Variants in CENPF observed in about 807,000 individuals in gnomAD.
CENPF encodes the protein centromere protein F.
CENPF carries 214 observed loss-of-function variants against 307.3 expected under a neutral mutation model. That is an observed-to-expected ratio of 0.70 (90% confidence interval 0.62 to 0.78). The LOEUF (loss-of-function observed/expected upper bound fraction) is 0.78. Among genes scored for constraint, CENPF ranks in the 30% least tolerant of loss-of-function variants. The pLI, the probability that CENPF is intolerant of heterozygous loss-of-function variation, is 0.00. For synonymous variants in CENPF, 1,259 were observed against 1,270.6 expected (o/e 0.99, Z 0.19); for missense variants, 3,401 against 3,483.9 (o/e 0.98, Z 0.60).
In CENPF at chr1:214,642,978, A is replaced by T. The variant is rs771689509; in HGVS notation, c.4640A>T (p.Lys1547Met). 6.2e-7 allele frequency: 1 copy of T among 1,610,594 alleles called. No homozygotes were observed. The highest frequency in any genetic ancestry group is 8.5e-7 in the Non-Finnish European group (1 of 1,179,074). ...AAAGAAACCCCTTCGGCCCCAGCGA[A>T]GGGTGTTGAAGAGCTTGAGTCCCTC... ...TRKETPSAPA[K>M]GVEELESLCE... Residue 1547 changes from lysine to methionine, a missense_variant, in exon 12 of 20, where the codon AAG (lysine) becomes ATG (methionine). Transcript: ENST00000366955.
At position 214,645,766 on chromosome 1, in the gene CENPF, G is replaced by T. The variant is rs1558186264; in HGVS notation, c.6196G>T (p.Glu2066Ter). 6.2e-7 allele frequency: 1 copy of T among 1,614,178 alleles called. No individual in the cohort carries two copies. Among genetic ancestry groups the T allele is most frequent in the Non-Finnish European group, 8.5e-7 (1 of 1,180,028 alleles). ...NQIAQLNKEK[E>*]LLVKESESLQ... is the part of the protein sequence containing the mutation. ...AATTGCACAACTGAATAAAGAGAAA[G>T]AATTGCTTGTCAAGGAATCTGAAAG... Residue 2066 changes from glutamate (E) to a stop codon, truncating the protein, a stop_gained, in exon 13 of 20, where the codon GAA (glutamate) becomes TAA (stop). Transcript: ENST00000366955. LOFTEE classifies it high-confidence loss of function.
At chr1:214,658,381 C>T (rs958813038) in intron 18 of CENPF, among the ~76,000 whole-genome samples, 11 of 152,064 alleles carry the variant, frequency 7.2e-5, no homozygotes, top group African/African-American at 2.4e-4. Flanking sequence ...TTCTCTCCTC[C>T]CACCTACATG....
At chr1:214,622,011 T>G in intron 6 of CENPF, 68 bp from the exon 7 acceptor site, 1 of 1,226,784 alleles carries the variant, frequency 8.2e-7, no homozygotes, top group Non-Finnish European at 1.1e-6. Flanking sequence ...ATAAAACAAA[T>G]GATAAGTTAT....
At chr1:214,657,462 A>C (rs1404659271) in intron 18 of CENPF, 53 bp downstream of exon 18, 2 of 1,303,858 alleles carry the variant, frequency 1.5e-6, no homozygotes, top group Non-Finnish European at 2.1e-6. Context: ...ATTCCATATA[A>C]TGGTTCACAT....
At chr1:214,652,024 C>T (rs1252906046) in intron 15 of CENPF, 138 bp downstream of exon 15, 2 of 585,040 alleles carry the variant, frequency 3.4e-6, no homozygotes, top group Non-Finnish European at 5.3e-6. Context: ...CTCACATTAA[C>T]TTCACGATCT....
In CENPF at chr1:214,652,997, C is replaced by A; in HGVS notation, c.8322+8C>A. ...GAATTGAAGAAAACCAAGGTATGTT[C>A]ACTTTAATTTGCTTCATGATTTCGA... On this transcript the variant is annotated splice_region_variant and intron_variant, in intron 16 of 19. Transcript: ENST00000366955. 1 of 1,598,860 alleles carries A rather than the reference C, an allele frequency of 6.3e-7. No homozygotes were observed. Among genetic ancestry groups the A allele is most frequent in the South Asian group, 1.1e-5 (1 of 88,710 alleles).
In CENPF at chr1:214,620,837, G is replaced by A. The variant is rs771912526; in HGVS notation, c.756G>A (p.Val252=). The change falls in exon 6 of 20, where the codon GTG becomes GTA. Residue 252 remains valine, a synonymous_variant. Transcript: ENST00000366955. ...CTTACTTTTCTGGGGAACAAGAGGT[G>A]ACTCCAAGTCGATCAACTTTGCAAA... ...SASYFSGEQE[V]TPSRSTLQIG... The A allele has an allele frequency of 1.2e-6, 2 of 1,614,202 alleles. No individual in the cohort carries two copies. Among genetic ancestry groups the A allele is most frequent in the Admixed American group, 3.3e-5 (2 of 60,032 alleles).
chr1:214,619,729 A>C (rs1158710861), intron 5 of CENPF, among the ~76,000 whole-genome samples: 1 of 152,210 alleles, frequency 6.6e-6, no homozygotes, highest in Non-Finnish European at 1.5e-5. Context: ...CAAGCCATTT[A>C]AGGCTGAATT....
chr1:214,660,871 T>C (rs538019580), intron 19 of CENPF, among the ~76,000 whole-genome samples: 19 of 152,366 alleles, frequency 1.2e-4, no homozygotes, highest in African/African-American at 4.3e-4. Flanking sequence ...CTATAGTTTA[T>C]GTCTATGCAG....
rs770373542 is a variant in CENPF at position 214,644,707 on chromosome 1, G to A, written c.5137G>A (p.Gly1713Ser). Residue 1713 changes from glycine to serine, a missense_variant, in exon 13 of 20, where the codon GGT becomes AGT. Coordinates refer to ENST00000366955, the MANE Select transcript of CENPF (RefSeq NM_016343.4). Reference protein sequence around the residue: ...NLDIEKITETGAVKPTGECSG... With the variant: ...NLDIEKITETSAVKPTGECSG... ...AGACATTGAGAAAATAACTGAGACT[G>A]GTGCAGTGAAACCCACAGGAGAGTG... 5.0e-5 allele frequency: 81 copies of A among 1,613,822 alleles called. No individual in the cohort carries two copies. Among genetic ancestry groups the A allele is most frequent in the Non-Finnish European group, 6.4e-5 (76 of 1,179,904 alleles).
Position 214,642,072 on chromosome 1 carries a change from T to A in CENPF, c.3734T>A (p.Leu1245His). ...QHELQTIRGD[L>H]ETSNLQDMQS... The stretch of plus-strand genomic sequence containing the variant: ...GAATTACAGACAATTAGAGGAGATC[T>A]TGAAACCAGCAATTTGCAAGACATG... The change falls in exon 12 of 20, where the codon CTT (leucine) becomes CAT (histidine). Residue 1245 changes from leucine to histidine, a missense_variant. Transcript: ENST00000366955. 1 of 1,611,020 alleles carries A rather than the reference T, an allele frequency of 6.2e-7. No individual in the cohort carries two copies.
In CENPF at chr1:214,609,575, ATAT is replaced by A. The variant is rs553631839; in HGVS notation, c.-41-4134_-41-4132del. Among the ~76,000 whole-genome samples, 21 of 152,240 alleles carry A rather than the reference ATAT, an allele frequency of 1.4e-4. No individual in the cohort carries two copies. In the South Asian group the frequency reaches 3.3e-3, roughly 24 times the overall value. ...TTTCACCTGAAAACCTTATGGCAAAATATTATTTTTTTCTTAGCTTTTATTTTT... is the reference window on the plus strand; with the variant it reads ...TTTCACCTGAAAACCTTATGGCAAAATATTTTTTTCTTAGCTTTTATTTTT... On this transcript the variant is annotated intron_variant, in intron 1 of 19. Transcript: ENST00000366955.
chr1:214,655,866 T>C (rs433364), intron 17 of CENPF, among the ~76,000 whole-genome samples: 87,029 of 152,084 alleles, frequency 0.57, 25,255 homozygotes, highest in East Asian at 0.88. Flanking sequence ...GCTGGGATTA[T>C]AGGCAGGAGC....
intron 1 of CENPF, chr1:214,608,282 C>T (rs1657094795): frequency 1.3e-6 from 2 of 1,554,596 alleles, no homozygotes; most frequent in African/African-American, 2.7e-5. Context: ...TTGGGTGTGC[C>T]CAGGCTGAGC....
At position 214,642,709 on chromosome 1, in the gene CENPF, A is replaced by G. The variant is rs935907625; in HGVS notation, c.4371A>G (p.Gln1457=). The change falls in exon 12 of 20, where the codon CAA becomes CAG. Residue 1457 remains glutamine, a synonymous_variant. Transcript: ENST00000366955. The stretch of plus-strand genomic sequence containing the variant: ...TGTCAACGAATCTGAGAAACTTTCA[A>G]GGTGACTTGGTGAAGGAGATGCAGC... The part of the protein sequence containing the change: ...LVLSTNLRNF[Q]GDLVKEMQLG... 6.2e-7 allele frequency: 1 copy of G among 1,614,036 alleles called. No homozygotes were observed. Among genetic ancestry groups the G allele is most frequent in the Non-Finnish European group, 8.5e-7 (1 of 1,180,028 alleles).
In CENPF at chr1:214,656,965, A is replaced by G; in HGVS notation, c.8518A>G (p.Thr2840Ala). The G allele has an allele frequency of 6.2e-7, 1 of 1,611,566 alleles. No homozygotes were observed. Among genetic ancestry groups the G allele is most frequent in the Non-Finnish European group, 8.5e-7 (1 of 1,179,348 alleles). ...TATGGATACCAAGGTCGATGAATTA[A>G]CAACTGAGATCAAAGAACTGAAAGA... ...TVMDTKVDEL[T>A]TEIKELKETL... The change falls in exon 18 of 20, where the codon ACA (threonine) becomes GCA (alanine). Residue 2840 changes from threonine (T) to alanine (A), a missense_variant. By Grantham distance (58) the Thr-to-Ala change is moderately conservative. Transcript: ENST00000366955.
intron 10 of CENPF, among the ~76,000 whole-genome samples, chr1:214,636,504 C>T (rs1440486450): frequency 1.3e-5 from 2 of 152,186 alleles, no homozygotes; most frequent in Admixed American, 6.5e-5. Flanking sequence ...CAGGTTCTGT[C>T]TTATTTTAAT....
chr1:214,658,373 C>G (rs530844042), intron 18 of CENPF, among the ~76,000 whole-genome samples: 2 of 152,198 alleles, frequency 1.3e-5, no homozygotes, highest in South Asian at 4.2e-4. Context: ...AGGTCAGTTT[C>G]TCTCCTCCCA....
chr1:214,632,425 T>A lies in CENPF; in HGVS notation c.1324-55T>A, dbSNP rs913103014. 1.5e-5 allele frequency: 24 copies of A among 1,575,252 alleles called. No homozygotes were observed. In the African/African-American group the frequency reaches 3.0e-4, roughly 20 times the overall value. ...ATTTTATTGTTTAAGAATACATGAT[T>A]AATGAAAAAGTAAAGAACATGAAAA... On this transcript the variant is annotated intron_variant, in intron 9 of 19. Coordinates refer to ENST00000366955, the MANE Select transcript of CENPF (RefSeq NM_016343.4).
Sources: gnomAD v4.1 joint callset for allele counts (sites outside exome capture counted in the v4.1 genomes callset) on GRCh38, gnomAD v4.1.1 for gene constraint, MANE v1.5 for transcripts, NCBI Gene and HGNC (gene_info 2026-07-23, HGNC 2026-07-21) for gene names.